Variants in GTPBP6 observed in about 807,000 individuals in gnomAD.
GTPBP6 encodes putative GTP-binding protein 6.
A neutral mutation model predicts 28.9 loss-of-function variants in GTPBP6; 33 were observed. The ratio of observed to expected loss-of-function variants is 1.14; its 90% CI spans 0.87 to 1.53. The LOEUF (loss-of-function observed/expected upper bound fraction) is 1.53. GTPBP6 is among the 40% of genes most tolerant of loss of function. The pLI is 0.00. For missense variants in GTPBP6, 507 were observed against 408.3 expected (o/e 1.24, Z -2.08); for synonymous variants, 231 against 192.7 (o/e 1.20, Z -1.65).
chrX:314,772 G>A lies in GTPBP6; in HGVS notation c.689+118C>T, dbSNP rs1292513327. The A allele has an allele frequency of 3.3e-3, 1,358 of 412,046 alleles. 4 individuals are homozygous for A. The highest frequency in any genetic ancestry group is 4.2e-3 in the Non-Finnish European group (972 of 233,418). The allele number at this position is 412,046 out of a possible 1,614,324, so 25.5% of individuals were successfully genotyped here. ...ATGACAGGCGTGAGCCACCGCGCCC[G>A]GCCCCCATGGTGCTTTTCTTCCTCA... On this transcript the variant is annotated intron_variant, in intron 4 of 9. Transcript: ENST00000326153.
chrX:312,763 C>T lies in GTPBP6; in HGVS notation c.916+3G>A, dbSNP rs769316478. On this transcript the variant is annotated splice_donor_region_variant and intron_variant, in intron 6 of 9. Coordinates refer to ENST00000326153, the Ensembl canonical transcript of GTPBP6. ...AAGGCCCCTCCCCTGGGCGCGTGCT[C>T]ACCGCAGTTGGTGTACCCCACCACG... The T allele has an allele frequency of 2.7e-5, 43 of 1,610,610 alleles. No individual in the cohort carries two copies. Among genetic ancestry groups the T allele is most frequent in the Admixed American group, 1.2e-4 (7 of 59,654 alleles).
intron 7 of GTPBP6, among the ~76,000 whole-genome samples, chrX:308,856 CT>C (rs2070227375): frequency 6.7e-6 from 1 of 150,354 alleles, no homozygotes; most frequent in African/African-American, 2.5e-5. Flanking sequence ...GCCTCAGCCT[CT>C]CTTGAGTAGC....
exon 2 of GTPBP6, chrX:316,992 C>G: frequency 5.0e-6 from 2 of 398,648 alleles, no homozygotes; most frequent in South Asian, 1.3e-4. Context: ...ATTGTCTGCA[C>G]CACGGACCAG....
intron 1 of GTPBP6, 143 bp from the exon 2 acceptor site, chrX:317,194 T>C (rs1281685983): frequency 0.61 from 240,730 of 397,024 alleles, 74,247 homozygotes; most frequent in African/African-American, 0.8. Context: ...CGATATGACT[T>C]CGTCCCCCCA....
At chrX:318,061 C>A (rs1353694917) in intron 1 of GTPBP6, among the ~76,000 whole-genome samples, 6 of 149,366 alleles carry the variant, frequency 4.0e-5, no homozygotes, top group Non-Finnish European at 7.4e-5. Flanking sequence ...CCCTGAAGCC[C>A]CGCCCCTACG....
chrX:314,227 G>C lies in GTPBP6; in HGVS notation c.690-10C>G. ...CCTTTTCAAGTTCGACCTGGTGTGG[G>C]AACGGGAGTGGCTCGGTCTCTGCGG... is the stretch of plus-strand genomic sequence containing the variant. On this transcript the variant is annotated splice_polypyrimidine_tract_variant and intron_variant, in intron 4 of 9. Coordinates refer to ENST00000326153, the Ensembl canonical transcript of GTPBP6. The C allele has an allele frequency of 6.2e-7, 1 of 1,611,474 alleles. No homozygotes were observed. The highest frequency in any genetic ancestry group is 1.7e-4 in the Middle Eastern group (1 of 6,042).
chrX:308,873 C>T lies in GTPBP6; in HGVS notation c.1126-993G>A, dbSNP rs767558176. Among the ~76,000 whole-genome samples, 786 of 151,498 alleles carry T rather than the reference C, an allele frequency of 5.2e-3. 4 individuals are homozygous for T. The highest frequency in any genetic ancestry group is 0.017 in the Middle Eastern group (5 of 294). ...CTCAGCCTCTCTTGAGTAGCTGGGA[C>T]TACAGGCACCCGCCACCATGCCTGG... On this transcript the variant is annotated intron_variant, in intron 7 of 9. Coordinates refer to ENST00000326153, the Ensembl canonical transcript of GTPBP6.
exon 10 of GTPBP6, chrX:305,147 T>A (rs1569344615): frequency 1.2e-6 from 2 of 1,613,666 alleles, no homozygotes; most frequent in Non-Finnish European, 1.7e-6. Context: ...GGCCGCCCCG[T>A]CCTCAGGGAT....
At chrX:317,096 GC>G (rs1229724860) in intron 1 of GTPBP6, 45 bp from the exon 2 acceptor site, 17,030 of 340,662 alleles carry the variant, frequency 0.05, 491 homozygotes, top group Non-Finnish European at 0.062. Context: ...TCTGCCCGGG[GC>G]CCCCGTCCAC....
At chrX:306,878 CA>C (rs2070179852) in intron 9 of GTPBP6, among the ~76,000 whole-genome samples, 2 of 76,162 alleles carry the variant, frequency 2.6e-5, no homozygotes, top group Admixed American at 1.9e-4. Context: ...TGTATGCAGT[CA>C]GAAATGTACA....
At position 314,618 on chromosome X, in the gene GTPBP6, G is replaced by A. The variant is rs751396981; in HGVS notation, c.689+272C>T. ...CTCCTGAGTAGCTGGGATTTCAGGC[G>A]CCCGCCACCACGCCCGGCTAATTTT... On this transcript the variant is annotated intron_variant, in intron 4 of 9. Coordinates refer to ENST00000326153, the Ensembl canonical transcript of GTPBP6. Among the ~76,000 whole-genome samples the A allele has an allele frequency of 5.6e-3, 857 of 152,044 alleles. 7 individuals carry two copies. Among genetic ancestry groups the A allele is most frequent in the African/African-American group, 0.019 (792 of 41,472 alleles).
chrX:307,074 A>G (rs1040852919), intron 9 of GTPBP6, among the ~76,000 whole-genome samples: 2 of 151,286 alleles, frequency 1.3e-5, no homozygotes, highest in African/African-American at 4.9e-5. Flanking sequence ...CAGATTAGGC[A>G]CCCGTTGTAT....
chrX:311,415 T>C lies in GTPBP6; in HGVS notation c.1125+4A>G, dbSNP rs372924225. Reference sequence around the variant, plus strand: ...CACCCGATCCCCGGCCGTCCCACGCTCACCGAGTGGGCCACGTCTTCCAGG... The same window carrying C: ...CACCCGATCCCCGGCCGTCCCACGCCCACCGAGTGGGCCACGTCTTCCAGG... On this transcript the variant is annotated splice_donor_region_variant and intron_variant, in intron 7 of 9. Transcript: ENST00000326153. 18 of 1,275,270 alleles carry C rather than the reference T, an allele frequency of 1.4e-5. No homozygotes were observed. In the African/African-American group the frequency reaches 3.2e-4, roughly 23 times the overall value. 79.0% of individuals were successfully genotyped at this position (1,275,270 alleles called of 1,614,324 possible).
intron 2 of GTPBP6, among the ~76,000 whole-genome samples, chrX:315,585 CAGTAAATACATCCCGACAGGGACAG>C (rs2070417001): frequency 1.9e-5 from 1 of 52,680 alleles, no homozygotes; most frequent in African/African-American, 7.4e-5. Flanking sequence ...CACACACACA[CAGTAAATACATCCCGACAGGGACAG>C]ACACAGACAC....
chrX:315,039 A>G lies in GTPBP6; in HGVS notation c.559-19T>C, dbSNP rs1363150085. 8 of 398,580 alleles carry G rather than the reference A, an allele frequency of 2.0e-5. No homozygotes were observed. Among genetic ancestry groups the G allele is most frequent in the African/African-American group, 6.2e-5 (3 of 48,638 alleles). The allele number at this position is 398,580 out of a possible 1,614,324, so 24.7% of individuals were successfully genotyped here. A position where few individuals can be genotyped will look rare whatever the true frequency, so the allele number is the denominator to read the frequency against. On this transcript the variant is annotated intron_variant, in intron 3 of 9. Coordinates refer to ENST00000326153, the Ensembl canonical transcript of GTPBP6. ...GTTCTTTCTGCAAAAGGAGAGAGCAACTGAGAAGCCACGGGGGAAGGCCGG... is the reference window on the plus strand; with the variant it reads ...GTTCTTTCTGCAAAAGGAGAGAGCAGCTGAGAAGCCACGGGGGAAGGCCGG...
chrX:313,540 A>T (rs1313238013), intron 5 of GTPBP6, among the ~76,000 whole-genome samples: 1 of 152,118 alleles, frequency 6.6e-6, no homozygotes, highest in East Asian at 1.9e-4. Context: ...CCACATCCTA[A>T]TTCCCAGAAC....
At chrX:312,018 G>C (rs1432682258) in intron 6 of GTPBP6, 14 of 498,846 alleles carry the variant, frequency 2.8e-5, no homozygotes, top group Non-Finnish European at 5.3e-5. Context: ...GTGTAGATGG[G>C]TGGATATAGA....
At chrX:310,856 C>T (rs966295354) in intron 7 of GTPBP6, among the ~76,000 whole-genome samples, 2 of 152,006 alleles carry the variant, frequency 1.3e-5, no homozygotes, top group Non-Finnish European at 2.9e-5. Context: ...ACAGGTGTTT[C>T]CAGGGTCTCG....
intron 9 of GTPBP6, among the ~76,000 whole-genome samples, chrX:307,014 G>C (rs1487693643): frequency 6.6e-6 from 1 of 151,198 alleles, no homozygotes; most frequent in Non-Finnish European, 1.5e-5. Context: ...GTCAAGCACA[G>C]ATTAGGCAAC....
Sources: allele counts gnomAD v4.1 joint callset (sites outside exome capture counted in the v4.1 genomes callset), GRCh38; gene constraint gnomAD v4.1.1; transcripts MANE v1.5; gene names NCBI Gene and HGNC (gene_info 2026-07-23, HGNC 2026-07-21).